PDE3A: variants seen among roughly 807,000 people sequenced by gnomAD.
PDE3A encodes phosphodiesterase 3A, also known as cGMP-inhibited 3',5'-cyclic phosphodiesterase 3A.
Under a neutral mutation model 98.3 loss-of-function variants are expected in PDE3A, and 43 were observed. The ratio of observed to expected loss-of-function variants is 0.44; its 90% confidence interval spans 0.34 to 0.56. PDE3A has a LOEUF of 0.56. Ranked by LOEUF, PDE3A falls within the 20% of genes least tolerant of loss-of-function variation. The pLI is 0.01. For missense variants in PDE3A, 1,427 were observed against 1,440.7 expected (o/e 0.99, Z 0.15); for synonymous variants, 663 against 567.9 (o/e 1.17, Z -2.38).
chr12:20,415,228 C>T (rs1379601631), intron 1 of PDE3A, among the ~76,000 whole-genome samples: 2 of 151,814 alleles, frequency 1.3e-5, no homozygotes, highest in Non-Finnish European at 2.9e-5. Flanking sequence ...CATTTGGCAT[C>T]GATCCTGAGT....
intron 1 of PDE3A, among the ~76,000 whole-genome samples, chr12:20,529,014 T>G (rs1232740697): frequency 5.3e-5 from 8 of 152,196 alleles, no homozygotes; most frequent in African/African-American, 1.7e-4. Flanking sequence ...TTTGTCTTGT[T>G]GATTTTATCT....
intron 1 of PDE3A, among the ~76,000 whole-genome samples, chr12:20,432,660 C>T (rs1475056879): frequency 6.6e-6 from 1 of 152,102 alleles, no homozygotes; most frequent in East Asian, 1.9e-4. Flanking sequence ...TTATTTTTCT[C>T]TTCTTTCCTT....
At position 20,685,394 on chromosome 12, in the gene PDE3A, A is replaced by G. The variant is rs1483941035; in HGVS notation, c.*5123A>G. On this transcript the variant is annotated 3_prime_UTR_variant, in exon 16 of 16. Coordinates refer to ENST00000359062, the MANE Select transcript of PDE3A (RefSeq NM_000921.5). ...ATTGCACTCCAGCCTGGGCAACAGG[A>G]GTTAAATTTTGCCTCAAAAAAAAAA... Among the ~76,000 whole-genome samples, 2 of 124,202 alleles carry G rather than the reference A, an allele frequency of 1.6e-5. No homozygotes were observed. Among genetic ancestry groups the G allele is most frequent in the Non-Finnish European group, 3.3e-5 (2 of 61,062 alleles). 81.5% of individuals were successfully genotyped at this position (124,202 alleles called of 152,430 possible). A position where few individuals can be genotyped will look rare whatever the true frequency, so the allele number is the denominator to read the frequency against.
intron 1 of PDE3A, among the ~76,000 whole-genome samples, chr12:20,488,272 G>A (rs1945766327): frequency 6.6e-6 from 1 of 151,830 alleles, no homozygotes; most frequent in African/African-American, 2.4e-5. Context: ...GTGGAGTTTG[G>A]GGTTTTCTTT....
chr12:20,458,844 G>A (rs1945198149), intron 1 of PDE3A, among the ~76,000 whole-genome samples: 1 of 152,056 alleles, frequency 6.6e-6, no homozygotes, highest in African/African-American at 2.4e-5. Context: ...TGAGGCCATC[G>A]GACTGTTGTC....
chr12:20,451,754 T>C (rs1018707887), intron 1 of PDE3A, among the ~76,000 whole-genome samples: 14 of 152,234 alleles, frequency 9.2e-5, no homozygotes, highest in African/African-American at 3.4e-4. Flanking sequence ...AGAAGAATCT[T>C]CTCATGTGTG....
chr12:20,662,717 T>C (rs1945205465), intron 15 of PDE3A, among the ~76,000 whole-genome samples: 1 of 152,196 alleles, frequency 6.6e-6, no homozygotes, highest in South Asian at 2.1e-4. Context: ...TGGTTTGGAA[T>C]TGGAACTTAT....
At chr12:20,531,938 A>G (rs556417243) in intron 1 of PDE3A, among the ~76,000 whole-genome samples, 2 of 84,716 alleles carry the variant, frequency 2.4e-5, no homozygotes, top group Admixed American at 3.5e-4. Context: ...GAACTTTGAA[A>G]TAAAAGTTTT....
chr12:20,673,270 A>G (rs532666169), intron 15 of PDE3A, among the ~76,000 whole-genome samples: 40 of 151,508 alleles, frequency 2.6e-4, no homozygotes, highest in Non-Finnish European at 5.3e-4. Context: ...AACTAGTTCA[A>G]CCATTGTGGA....
intron 2 of PDE3A, among the ~76,000 whole-genome samples, chr12:20,589,393 A>G (rs574298461): frequency 5.3e-5 from 8 of 152,314 alleles, no homozygotes; most frequent in Non-Finnish European, 8.8e-5. Context: ...AAATTGACAT[A>G]TTAAGGGTGA....
chr12:20,474,105 G>C (rs538355733), intron 1 of PDE3A, among the ~76,000 whole-genome samples: 5 of 152,212 alleles, frequency 3.3e-5, no homozygotes, highest in African/African-American at 1.2e-4. Context: ...TCCCCGGCAG[G>C]GTGGGTGAAT....
intron 2 of PDE3A, among the ~76,000 whole-genome samples, chr12:20,559,310 A>G (rs1942452399): frequency 6.6e-6 from 1 of 152,014 alleles, no homozygotes. Flanking sequence ...TGGTTTGTGT[A>G]AGTATACTCT....
chr12:20,614,238 T>C (rs1035391225), intron 3 of PDE3A, among the ~76,000 whole-genome samples: 1 of 152,186 alleles, frequency 6.6e-6, no homozygotes, highest in Non-Finnish European at 1.5e-5. Context: ...TCTATAAATA[T>C]ATATTTTATA....
rs1207021342 is a variant in PDE3A at position 20,687,209 on chromosome 12, T to A, written c.*6938T>A. 6.6e-6 allele frequency among the ~76,000 whole-genome samples: 1 copy of A among 152,138 alleles called. No individual in the cohort carries two copies. Among genetic ancestry groups the A allele is most frequent in the Non-Finnish European group, 1.5e-5 (1 of 67,990 alleles). On this transcript the variant is annotated 3_prime_UTR_variant, in exon 16 of 16. Coordinates refer to ENST00000359062, the MANE Select transcript of PDE3A (RefSeq NM_000921.5). ...ATAGTTCTTTGTGTATATAAAGTGTTGGTTCATAGCAGTTTCCTTGTCCCT... is the reference window on the plus strand; with the variant it reads ...ATAGTTCTTTGTGTATATAAAGTGTAGGTTCATAGCAGTTTCCTTGTCCCT...
chr12:20,510,561 T>A (rs1946202395), intron 1 of PDE3A, among the ~76,000 whole-genome samples: 1 of 152,148 alleles, frequency 6.6e-6, no homozygotes, highest in East Asian at 1.9e-4. Flanking sequence ...AATTGAGGGC[T>A]GAGATGGAGA....
chr12:20,551,930 T>C, intron 1 of PDE3A: 2 of 1,611,694 alleles, frequency 1.2e-6, no homozygotes, highest in South Asian at 2.2e-5. Flanking sequence ...CGGTTCCGAG[T>C]CCAGGTCAGC....
At chr12:20,528,230 G>A (rs545867241) in intron 1 of PDE3A, among the ~76,000 whole-genome samples, 1 of 152,260 alleles carries the variant, frequency 6.6e-6, no homozygotes, top group African/African-American at 2.4e-5. Flanking sequence ...CATTTGGTTT[G>A]TTATTTCTTA....
chr12:20,488,798 T>C lies in PDE3A; in HGVS notation c.961-67862T>C, dbSNP rs559870090. Among the ~76,000 whole-genome samples, 6 of 151,844 alleles carry C rather than the reference T, an allele frequency of 4.0e-5. No homozygotes were observed. In the East Asian group the frequency reaches 7.8e-4, roughly 20 times the overall value. ...TCGAGAGGCTGAATAGAGGGATTGC[T>C]TGAGCCTGGGAGGTTGAGGCTGCCG... On this transcript the variant is annotated intron_variant, in intron 1 of 15. Transcript: ENST00000359062.
intron 1 of PDE3A, among the ~76,000 whole-genome samples, chr12:20,473,966 C>A (rs764584033): frequency 3.9e-5 from 6 of 152,036 alleles, no homozygotes; most frequent in Non-Finnish European, 8.8e-5. Flanking sequence ...TTTTAGTGCA[C>A]ATGTACAAGT....
Sources: gnomAD v4.1 joint callset for allele counts (sites outside exome capture counted in the v4.1 genomes callset) on GRCh38, gnomAD v4.1.1 for gene constraint, MANE v1.5 for transcripts, NCBI Gene and HGNC (gene_info 2026-07-23, HGNC 2026-07-21) for gene names.